The following CLIP1 variants were observed in gnomAD, a reference collection of about 807,000 sequenced individuals.
The protein encoded by CLIP1 is CAP-Gly domain containing linker protein 1, also known as CAP-Gly domain-containing linker protein 1.
In CLIP1, 66 loss-of-function variants were observed where a neutral mutation model predicts 161.6. The observed-to-expected ratio is 0.41, with a 90% CI of 0.33 to 0.50. The LOEUF is 0.50. Among genes scored for constraint, CLIP1 ranks in the 20% least tolerant of loss-of-function variants. CLIP1 has a pLI of 0.27. For synonymous variants in CLIP1, 598 were observed against 626.2 expected (o/e 0.96, Z 0.67); for missense variants, 1,376 against 1,702.0 (o/e 0.81, Z 3.37).
chr12:122,388,478 T>G (rs1029741360), intron 1 of CLIP1, among the ~76,000 whole-genome samples: 1 of 151,894 alleles, frequency 6.6e-6, no homozygotes, highest in African/African-American at 2.4e-5. Flanking sequence ...CTCGGCCTCC[T>G]AAAGTGCTGG....
intron 20 of CLIP1, among the ~76,000 whole-genome samples, chr12:122,307,023 T>C (rs1168245167): frequency 9.1e-6 from 1 of 110,020 alleles, no homozygotes; most frequent in Non-Finnish European, 2.0e-5. Flanking sequence ...TTTTTTTTTT[T>C]TTTTGAGACA....
intron 21 of CLIP1, 134 bp downstream of exon 21, chr12:122,288,350 AGTTAC>A (rs1955943918): frequency 1.4e-6 from 1 of 698,062 alleles, no homozygotes; most frequent in African/African-American, 1.8e-5. Context: ...ATATTTTGTC[AGTTAC>A]AAGTACCAAA....
chr12:122,331,758 G>C (rs1490860803), intron 15 of CLIP1, among the ~76,000 whole-genome samples: 2 of 152,038 alleles, frequency 1.3e-5, no homozygotes, highest in Non-Finnish European at 2.9e-5. Flanking sequence ...ACTTTGGGCG[G>C]CCAAGGCGGC....
intron 20 of CLIP1, among the ~76,000 whole-genome samples, chr12:122,302,653 A>C (rs1407532275): frequency 1.3e-5 from 2 of 152,140 alleles, no homozygotes; most frequent in East Asian, 3.9e-4. Context: ...GCTGGTATGC[A>C]GTGGTGTGGT....
chr12:122,391,253 A>G (rs2136975132), intron 1 of CLIP1, among the ~76,000 whole-genome samples: 1 of 151,960 alleles, frequency 6.6e-6, no homozygotes, highest in South Asian at 2.1e-4. Flanking sequence ...ATGTCACTGC[A>G]CTCCAGCCCG....
rs1566209197 is a variant in CLIP1, at chr12:122,387,567, TA to T, written c.-106-7010del. Among the ~76,000 whole-genome samples the T allele has an allele frequency of 9.7e-3, 206 of 21,208 alleles. 3 individuals carry two copies. Among genetic ancestry groups the T allele is most frequent in the East Asian group, 0.02 (12 of 596 alleles). The allele number at this position is 21,208 out of a possible 152,430, so 13.9% of individuals were successfully genotyped here. A position where few individuals can be genotyped will look rare whatever the true frequency, so the allele number is the denominator to read the frequency against. On this transcript the variant is annotated intron_variant, in intron 1 of 25. Coordinates refer to ENST00000620786, the MANE Select transcript of CLIP1 (RefSeq NM_001247997.2). ...CTTTTCATATATATATATATATATA[TA>T]TATATATATATATATATATATATTT...
In CLIP1 at chr12:122,377,787, A is replaced by C; in HGVS notation, c.259T>G (p.Trp87Gly). 6.2e-7 allele frequency: 1 copy of C among 1,613,974 alleles called. No individual in the cohort carries two copies. The highest frequency in any genetic ancestry group is 8.5e-7 in the Non-Finnish European group (1 of 1,179,996). The stretch of plus-strand genomic sequence containing the variant: ...GGTTCATCTAAAACAATTCCAGCCC[A>C]CTGGCCTGGTGCAAACTGGGTTTCT... ...LGETQFAPGQ[W>G]AGIVLDEPIG... The change falls in exon 3 of 26, where the codon TGG (tryptophan) becomes GGG (glycine). Residue 87 changes from tryptophan (W) to glycine (G), a missense_variant. Trp to Gly is a radical substitution (Grantham distance 184). Transcript: ENST00000620786.
chr12:122,364,719 C>T (rs1226275755), intron 3 of CLIP1: 1 of 551,924 alleles, frequency 1.8e-6, no homozygotes, highest in African/African-American at 1.9e-5. Flanking sequence ...CTTTATTTTT[C>T]TAACAGAAAT....
chr12:122,346,369 G>A (rs1265167980), intron 10 of CLIP1, among the ~76,000 whole-genome samples: 1 of 152,134 alleles, frequency 6.6e-6, no homozygotes, highest in African/African-American at 2.4e-5. Flanking sequence ...CACTATATAG[G>A]TGCTTTAATA....
In CLIP1 at chr12:122,291,347, G is replaced by C. The variant is rs572271357; in HGVS notation, c.3595-2806C>G. Among the ~76,000 whole-genome samples the C allele has an allele frequency of 2.1e-3, 316 of 148,972 alleles. 4 individuals carry two copies. Among genetic ancestry groups the C allele is most frequent in the African/African-American group, 7.6e-3 (306 of 40,270 alleles). ...GGGGATTACAGATGTGTGCTACCATGCCCAGCTAACTTTTCTATTTTTAGT... is the reference window on the plus strand; with the variant it reads ...GGGGATTACAGATGTGTGCTACCATCCCCAGCTAACTTTTCTATTTTTAGT... On this transcript the variant is annotated intron_variant, in intron 20 of 25. Transcript: ENST00000620786.
intron 20 of CLIP1, among the ~76,000 whole-genome samples, chr12:122,291,118 C>G (rs1280260354): frequency 6.6e-6 from 1 of 151,782 alleles, no homozygotes; most frequent in East Asian, 1.9e-4. Context: ...GTCTCAAACT[C>G]CTGACCTCAG....
chr12:122,317,000 TA>T, intron 18 of CLIP1, 145 bp from the exon 19 acceptor site: 1 of 584,032 alleles, frequency 1.7e-6, no homozygotes. Context: ...GTGAAGAGAT[TA>T]CAGATGACAA....
At chr12:122,277,785 T>TAA (rs11411723) in intron 24 of CLIP1, 2,710 of 169,348 alleles carry the variant, frequency 0.016, 27 homozygotes, top group African/African-American at 0.021. Flanking sequence ...TACATAGCTA[T>TAA]AAAAAAAATA....
intron 3 of CLIP1, 117 bp from the exon 4 acceptor site, chr12:122,364,224 C>T: frequency 8.1e-7 from 1 of 1,240,670 alleles, no homozygotes; most frequent in East Asian, 2.5e-5. Flanking sequence ...AACTTCTTTG[C>T]TTTAGCTTCT....
At position 122,291,308 on chromosome 12, in the gene CLIP1, G is replaced by A. The variant is rs556287653; in HGVS notation, c.3595-2767C>T. Among the ~76,000 whole-genome samples the A allele has an allele frequency of 3.0e-4, 45 of 151,960 alleles. 1 individual carries two copies. The South Asian group carries it at 9.4e-3, about 32-fold the overall frequency. On this transcript the variant is annotated intron_variant, in intron 20 of 25. Coordinates refer to ENST00000620786, the MANE Select transcript of CLIP1 (RefSeq NM_001247997.2). ...AGGTTCAAGCGATTCTCCTGTCTCAGCCTCCCAAAGAGTGGGGATTACAGA... is the reference window on the plus strand; with the variant it reads ...AGGTTCAAGCGATTCTCCTGTCTCAACCTCCCAAAGAGTGGGGATTACAGA...
Position 122,349,726 on chromosome 12 carries a change from C to T in CLIP1, c.1401+1385G>A, listed in dbSNP as rs997687459. Among the ~76,000 whole-genome samples, 4 of 152,168 alleles carry T rather than the reference C, an allele frequency of 2.6e-5. No homozygotes were observed. The East Asian group carries it at 5.8e-4, about 22-fold the overall frequency. The stretch of plus-strand genomic sequence containing the variant: ...ATTGAGAAGGAAAGCAAAGGCTTTG[C>T]GAGAAGCGCACAGGAAAGGCAGGGG... On this transcript the variant is annotated intron_variant, in intron 9 of 25. Transcript: ENST00000620786.
intron 21 of CLIP1, among the ~76,000 whole-genome samples, chr12:122,283,106 C>A (rs1297738628): frequency 6.6e-6 from 1 of 152,160 alleles, no homozygotes; most frequent in Non-Finnish European, 1.5e-5. Flanking sequence ...GCTTTGGAGC[C>A]CCTTCTTTGA....
chr12:122,313,420 G>A (rs1951137453), intron 19 of CLIP1, among the ~76,000 whole-genome samples: 1 of 152,104 alleles, frequency 6.6e-6, no homozygotes, highest in African/African-American at 2.4e-5. Context: ...GAAGGAGGGG[G>A]TCACAAAAAC....
intron 5 of CLIP1, among the ~76,000 whole-genome samples, chr12:122,359,390 A>G (rs1289125230): frequency 6.6e-6 from 1 of 152,208 alleles, no homozygotes; most frequent in Non-Finnish European, 1.5e-5. Context: ...AGAAATGGAC[A>G]CAATTAAAAG....
Sources: allele counts gnomAD v4.1 joint callset (sites outside exome capture counted in the v4.1 genomes callset), GRCh38; gene constraint gnomAD v4.1.1; transcripts MANE v1.5; gene names NCBI Gene and HGNC (gene_info 2026-07-23, HGNC 2026-07-21).